The following C21orf91 variants were observed in gnomAD, a reference collection of about 807,000 sequenced individuals.
The protein encoded by C21orf91 is chromosome 21 open reading frame 91.
Under a neutral mutation model 32.9 loss-of-function variants are expected in C21orf91, and 26 were observed. The ratio of observed to expected loss-of-function variants is 0.79; its 90% CI spans 0.58 to 1.10. C21orf91 has a LOEUF of 1.10. Among genes scored for constraint, C21orf91 ranks in the 50% least tolerant of loss-of-function variants. C21orf91 has a pLI of 0.00. For missense variants in C21orf91, 310 were observed against 341.3 expected, an observed-to-expected ratio of 0.91 and a Z score of 0.72; for synonymous variants, 126 against 120.4, an observed-to-expected ratio of 1.05 and a Z score of -0.31.
chr21:17,815,671 T>C (rs140764846), intron 2 of C21orf91, among the ~76,000 whole-genome samples: 1 of 151,356 alleles, frequency 6.6e-6, no homozygotes, highest in Non-Finnish European at 1.5e-5. Context: ...ATAATTTTTT[T>C]TTTTTTGAGA....
Position 17,790,101 on chromosome 21 carries a change from A to C in C21orf91, c.*3314T>G, listed in dbSNP as rs2062461583. On this transcript the variant is annotated 3_prime_UTR_variant, in exon 5 of 5. Coordinates refer to ENST00000284881, the MANE Select transcript of C21orf91 (RefSeq NM_001100420.2). ...TGACAATAGAAGAATTTTACATGGTACCATTTCAAATTTTCATGTACAAGT... is the reference window on the plus strand; with the variant it reads ...TGACAATAGAAGAATTTTACATGGTCCCATTTCAAATTTTCATGTACAAGT... 6.6e-6 allele frequency: 1 copy of C among 152,158 alleles called. No individual in the cohort carries two copies. Among genetic ancestry groups the C allele is most frequent in the Non-Finnish European group, 1.5e-5 (1 of 67,964 alleles). 9.4% of individuals were successfully genotyped at this position (152,158 alleles called of 1,614,324 possible). A position where few individuals can be genotyped will look rare whatever the true frequency, so the allele number is the denominator to read the frequency against.
At position 17,792,033 on chromosome 21, in the gene C21orf91, A is replaced by G. The variant is rs1178631800; in HGVS notation, c.*1382T>C. 11 of 152,184 alleles carry G rather than the reference A, an allele frequency of 7.2e-5. No individual in the cohort carries two copies. The highest frequency in any genetic ancestry group is 1.6e-4 in the Non-Finnish European group (11 of 68,000). 9.4% of individuals were successfully genotyped at this position (152,184 alleles called of 1,614,324 possible). On this transcript the variant is annotated 3_prime_UTR_variant, in exon 5 of 5. Transcript: ENST00000284881. ...CAAATTTAAGGCAAATGTCATTTAT[A>G]TCTTTATGCATGAAGCTGCCACGTT... is the stretch of plus-strand genomic sequence containing the variant.
chr21:17,801,127 A>G (rs944055051), intron 2 of C21orf91, among the ~76,000 whole-genome samples: 3 of 152,228 alleles, frequency 2.0e-5, no homozygotes, highest in African/African-American at 7.2e-5. Flanking sequence ...ACTAGTCACA[A>G]TAGCAAAGAC....
intron 2 of C21orf91, among the ~76,000 whole-genome samples, chr21:17,799,826 A>G (rs951589811): frequency 1.3e-5 from 2 of 152,202 alleles, no homozygotes; most frequent in African/African-American, 4.8e-5. Context: ...GGTACTCAAA[A>G]GTAGTTAAAT....
intron 2 of C21orf91, among the ~76,000 whole-genome samples, chr21:17,800,389 A>T (rs1453466657): frequency 6.6e-6 from 1 of 152,192 alleles, no homozygotes; most frequent in African/African-American, 2.4e-5. Flanking sequence ...TTTAATCTAG[A>T]AAATAATGTG....
chr21:17,814,970 G>A (rs1803671127), intron 2 of C21orf91, among the ~76,000 whole-genome samples: 1 of 152,130 alleles, frequency 6.6e-6, no homozygotes, highest in African/African-American at 2.4e-5. Context: ...CTGTGGCTTG[G>A]AAGTACATAA....
chr21:17,799,298 T>G (rs2062543005), intron 2 of C21orf91, among the ~76,000 whole-genome samples: 1 of 152,170 alleles, frequency 6.6e-6, no homozygotes, highest in Non-Finnish European at 1.5e-5. Flanking sequence ...CTGTTTCTTC[T>G]TAATGATTCA....
At chr21:17,812,661 T>C (rs1248154213) in intron 2 of C21orf91, among the ~76,000 whole-genome samples, 1 of 151,918 alleles carries the variant, frequency 6.6e-6, no homozygotes, top group Non-Finnish European at 1.5e-5. Flanking sequence ...TACAAAAAAT[T>C]AGCCAGGCAT....
chr21:17,805,035 C>T (rs905002665), intron 2 of C21orf91, among the ~76,000 whole-genome samples: 3 of 152,212 alleles, frequency 2.0e-5, no homozygotes, highest in African/African-American at 4.8e-5. Flanking sequence ...TGTTTTTTAA[C>T]AGCAACGCCC....
rs566233057 is a variant in C21orf91 at position 17,796,799 on chromosome 21, T to G, written c.447A>C (p.Gly149=). ...VPKYSAKWID[G]SAGGISNCTQ... is the part of the protein sequence containing the mutation. ...TACAGTTAGAGATGCCACCTGCACT[T>G]CCATCTATCCATTTTGCAGAATATT... The change falls in exon 3 of 5, where the codon GGA becomes GGC. Residue 149 remains glycine (G), a synonymous_variant. Coordinates refer to ENST00000284881, the MANE Select transcript of C21orf91 (RefSeq NM_001100420.2). 14 of 1,613,470 alleles carry G rather than the reference T, an allele frequency of 8.7e-6. No homozygotes were observed. In the East Asian group the frequency reaches 1.3e-4, roughly 15 times the overall value.
At chr21:17,793,637 TTA>T in intron 4 of C21orf91, 56 bp from the exon 5 acceptor site, 1 of 1,192,560 alleles carries the variant, frequency 8.4e-7, no homozygotes. Context: ...GTGCTATGAT[TTA>T]TATTTCAAGA....
Position 17,792,086 on chromosome 21 carries a change from G to A in C21orf91, c.*1329C>T, listed in dbSNP as rs1367110286. On this transcript the variant is annotated 3_prime_UTR_variant, in exon 5 of 5. Coordinates refer to ENST00000284881, the MANE Select transcript of C21orf91 (RefSeq NM_001100420.2). ...TGGGCTTTTCAGCAGATACTTTCAA[G>A]CAAGGATCTACCTCATAAGTACATT... is the stretch of plus-strand genomic sequence containing the variant. 1 of 152,034 alleles carries A rather than the reference G, an allele frequency of 6.6e-6. No individual in the cohort carries two copies. Among genetic ancestry groups the A allele is most frequent in the Non-Finnish European group, 1.5e-5 (1 of 67,972 alleles). 9.4% of individuals were successfully genotyped at this position (152,034 alleles called of 1,614,324 possible). A position where few individuals can be genotyped will look rare whatever the true frequency, so the allele number is the denominator to read the frequency against.
At chr21:17,805,675 T>C (rs1451114376) in intron 2 of C21orf91, among the ~76,000 whole-genome samples, 1 of 152,182 alleles carries the variant, frequency 6.6e-6, no homozygotes, top group Non-Finnish European at 1.5e-5. Context: ...GAAAGGTAAA[T>C]TTGTTTTTCT....
In C21orf91 at chr21:17,796,643, C is replaced by T. The variant is rs142700004; in HGVS notation, c.603G>A (p.Glu201=). The T allele has an allele frequency of 2.9e-5, 47 of 1,614,040 alleles. No homozygotes were observed. In the African/African-American group the frequency reaches 5.3e-4, roughly 18 times the overall value. The change falls in exon 3 of 5, where the codon GAG becomes GAA. Residue 201 remains glutamate, a synonymous_variant. Coordinates refer to ENST00000284881, the MANE Select transcript of C21orf91 (RefSeq NM_001100420.2). ...CATTAGCCTCTGGACTAGAGATTGTCTCTTCTTTTTTCTGTGCCTGGTTGT... is the reference window on the plus strand; with the variant it reads ...CATTAGCCTCTGGACTAGAGATTGTTTCTTCTTTTTTCTGTGCCTGGTTGT... ...HSHNQAQKKE[E]TISSPEANVQ...
chr21:17,800,432 A>G (rs750479101), intron 2 of C21orf91, among the ~76,000 whole-genome samples: 20 of 152,348 alleles, frequency 1.3e-4, no homozygotes, highest in Non-Finnish European at 2.4e-4. Flanking sequence ...AGTAATACAC[A>G]TATCATTTTA....
chr21:17,818,138 A>G, intron 2 of C21orf91, 54 bp downstream of exon 2: 2 of 1,409,194 alleles, frequency 1.4e-6, no homozygotes, highest in Non-Finnish European at 9.9e-7. Flanking sequence ...CAATCAGTAC[A>G]AAGCAGCTGT....
At chr21:17,816,880 A>G (rs973232253) in intron 2 of C21orf91, among the ~76,000 whole-genome samples, 2 of 152,248 alleles carry the variant, frequency 1.3e-5, no homozygotes, top group South Asian at 4.1e-4. Flanking sequence ...ACAATGTATC[A>G]ACAATATACA....
intron 2 of C21orf91, among the ~76,000 whole-genome samples, chr21:17,805,417 G>A (rs1316982377): frequency 1.3e-5 from 2 of 152,114 alleles, no homozygotes; most frequent in African/African-American, 2.4e-5. Context: ...AGGTTCAAGC[G>A]ATTCTCCTGC....
At chr21:17,809,378 C>T (rs1348580865) in intron 2 of C21orf91, among the ~76,000 whole-genome samples, 1 of 152,122 alleles carries the variant, frequency 6.6e-6, no homozygotes, top group Non-Finnish European at 1.5e-5. Flanking sequence ...TTGAAGATAG[C>T]AGTATAGAAG....
Sources: gnomAD v4.1 joint callset for allele counts (sites outside exome capture counted in the v4.1 genomes callset) on GRCh38, gnomAD v4.1.1 for gene constraint, MANE v1.5 for transcripts, NCBI Gene and HGNC (gene_info 2026-07-23, HGNC 2026-07-21) for gene names.